MEAK7: variants seen among roughly 807,000 people sequenced by gnomAD.
The protein encoded by MEAK7 is MTOR-associated protein MEAK7.
In MEAK7, 68 loss-of-function variants were observed where a neutral mutation model predicts 40.5. That is an observed-to-expected ratio of 1.68 (90% CI 1.38 to 2.06). The LOEUF (loss-of-function observed/expected upper bound fraction) is 2.06, where lower values mean the gene tolerates loss of function less well. MEAK7 is among the 30% of genes most tolerant of loss of function. MEAK7 has a pLI of 0.00. For missense variants in MEAK7, 918 were observed against 580.5 expected, an observed-to-expected ratio of 1.58 and a Z score of -5.98; for synonymous variants, 338 against 231.9, an observed-to-expected ratio of 1.46 and a Z score of -4.16.
At chr16:84,498,943 A>G (rs1408859393) in intron 1 of MEAK7, among the ~76,000 whole-genome samples, 1 of 152,188 alleles carries the variant, frequency 6.6e-6, no homozygotes, top group Admixed American at 6.5e-5. Context: ...TCTCTGCCTC[A>G]ATTTCCCCAT....
chr16:84,491,188 C>T (rs533278806), intron 3 of MEAK7, among the ~76,000 whole-genome samples: 27 of 152,278 alleles, frequency 1.8e-4, no homozygotes, highest in Middle Eastern at 3.4e-3. Context: ...GCCTGTAATC[C>T]CTCCACTTTG....
At position 84,477,923 on chromosome 16, in the gene MEAK7, C is replaced by G. The variant is rs1460517370; in HGVS notation, c.*1990G>C. 2 of 152,162 alleles carry G rather than the reference C, an allele frequency of 1.3e-5. No homozygotes were observed. Among genetic ancestry groups the G allele is most frequent in the African/African-American group, 4.8e-5 (2 of 41,418 alleles). 9.4% of individuals were successfully genotyped at this position (152,162 alleles called of 1,614,324 possible). A position where few individuals can be genotyped will look rare whatever the true frequency, so the allele number is the denominator to read the frequency against. On this transcript the variant is annotated 3_prime_UTR_variant, in exon 8 of 8. Transcript: ENST00000343629. ...GCCTGGAAGCAGGTGCATTCGTGAT[C>G]TGCACTCTCCTTAGAACAAGCTCAG...
At chr16:84,495,003 T>C (rs1297557096) in intron 3 of MEAK7, among the ~76,000 whole-genome samples, 1 of 152,228 alleles carries the variant, frequency 6.6e-6, no homozygotes, top group Non-Finnish European at 1.5e-5. Context: ...GCGTGGTGGC[T>C]CATGCCTATA....
At chr16:84,490,721 G>A (rs549117970) in intron 3 of MEAK7, among the ~76,000 whole-genome samples, 6 of 140,058 alleles carry the variant, frequency 4.3e-5, no homozygotes, top group Non-Finnish European at 7.7e-5. Flanking sequence ...ATGCCTTTTT[G>A]TCTCTCCTAG....
intron 2 of MEAK7, chr16:84,497,429 G>A (rs1325887835): frequency 6.2e-6 from 8 of 1,288,598 alleles, no homozygotes; most frequent in Non-Finnish European, 8.1e-6. Context: ...ACATTCTAGA[G>A]GCAACGGTGC....
intron 4 of MEAK7, 144 bp downstream of exon 4, chr16:84,489,134 T>C (rs1374808437): frequency 1.0e-5 from 11 of 1,080,764 alleles, no homozygotes; most frequent in Middle Eastern, 3.2e-4. Context: ...TTTTAAAATA[T>C]GCCAACAAAC....
At chr16:84,480,798 T>C in intron 6 of MEAK7, 90 bp from the exon 7 acceptor site, 1 of 1,430,442 alleles carries the variant, frequency 7.0e-7, no homozygotes. Flanking sequence ...TCGCCTTAAG[T>C]ACCAGCCTGA....
chr16:84,492,875 C>A (rs531039641), intron 3 of MEAK7, among the ~76,000 whole-genome samples: 4 of 152,306 alleles, frequency 2.6e-5, no homozygotes, highest in African/African-American at 7.2e-5. Flanking sequence ...AGCCACTACG[C>A]CCAGCCTATA....
intron 1 of MEAK7, 61 bp from the exon 2 acceptor site, chr16:84,498,172 T>A: frequency 6.6e-7 from 1 of 1,517,416 alleles, no homozygotes; most frequent in Non-Finnish European, 8.8e-7. Flanking sequence ...AGAAAATAAA[T>A]GTTGAGAATT....
At chr16:84,498,364 G>C (rs750211137) in intron 1 of MEAK7, among the ~76,000 whole-genome samples, 1 of 152,034 alleles carries the variant, frequency 6.6e-6, no homozygotes, top group East Asian at 1.9e-4. Flanking sequence ...AACCTCCTGG[G>C]CTCGGGCAAT....
chr16:84,490,978 C>CTGCT (rs57556232), intron 3 of MEAK7, among the ~76,000 whole-genome samples: 125,783 of 151,740 alleles, frequency 0.83, 53,771 homozygotes, highest in Non-Finnish European at 0.94. Flanking sequence ...AGCTCTTAAG[C>CTGCT]TGCTTTTCTA....
intron 5 of MEAK7, among the ~76,000 whole-genome samples, chr16:84,484,591 C>T (rs1396070406): frequency 1.3e-5 from 2 of 152,190 alleles, no homozygotes; most frequent in African/African-American, 4.8e-5. Context: ...GAAAACAGTC[C>T]TTTAAAAAGG....
intron 6 of MEAK7, among the ~76,000 whole-genome samples, chr16:84,481,930 C>G (rs1050448226): frequency 2.6e-5 from 4 of 151,602 alleles, no homozygotes; most frequent in Non-Finnish European, 4.4e-5. Flanking sequence ...GACTCCATCT[C>G]AAAAAGAAAA....
chr16:84,480,746 C>G (rs757890011), intron 6 of MEAK7, 38 bp from the exon 7 acceptor site: 69 of 1,578,296 alleles, frequency 4.4e-5, no homozygotes, highest in Non-Finnish European at 5.4e-5. Context: ...GCATCAGCAA[C>G]TCCTCAGGGT....
At chr16:84,492,065 C>A (rs749630090) in intron 3 of MEAK7, among the ~76,000 whole-genome samples, 43 of 152,200 alleles carry the variant, frequency 2.8e-4, no homozygotes, top group Middle Eastern at 3.4e-3. Flanking sequence ...AAACTGTGTT[C>A]ACGAGACACA....
intron 5 of MEAK7, among the ~76,000 whole-genome samples, chr16:84,484,073 G>A (rs1912820677): frequency 1.3e-5 from 2 of 152,196 alleles, no homozygotes; most frequent in Non-Finnish European, 2.9e-5. Context: ...TGGACTTCAG[G>A]TAAGCGGCCC....
chr16:84,504,164 G>T, intron 1 of MEAK7: 1 of 985,484 alleles, frequency 1.0e-6, no homozygotes, highest in South Asian at 4.7e-5. Context: ...AAGCCCAGAT[G>T]GGTGTGGTCA....
intron 1 of MEAK7, chr16:84,503,813 G>T (rs1426400242): frequency 4.0e-6 from 2 of 498,570 alleles, no homozygotes; most frequent in Non-Finnish European, 2.6e-6. Context: ...GTTCCCACTA[G>T]TATCCTAGGA....
chr16:84,494,518 C>A (rs913478679), intron 3 of MEAK7, among the ~76,000 whole-genome samples: 2 of 152,126 alleles, frequency 1.3e-5, no homozygotes, highest in South Asian at 2.1e-4. Flanking sequence ...TAAAGCTAGA[C>A]AACTTAAACT....
Sources: gnomAD v4.1 joint callset for allele counts (sites outside exome capture counted in the v4.1 genomes callset) on GRCh38, gnomAD v4.1.1 for gene constraint, MANE v1.5 for transcripts, NCBI Gene and HGNC (gene_info 2026-07-23, HGNC 2026-07-21) for gene names.